Variants in PIN4 observed in about 807,000 individuals in gnomAD.
PIN4 encodes the protein peptidylprolyl cis/trans isomerase, NIMA-interacting 4.
PIN4 carries 3 observed loss-of-function variants against 8.3 expected under a neutral mutation model. The observed-to-expected ratio is 0.36, with a 90% CI of 0.16 to 0.93. The LOEUF (loss-of-function observed/expected upper bound fraction) is 0.93. PIN4 is among the 40% of genes least tolerant of loss of function. The probability of loss-of-function intolerance (pLI) is 0.44; values close to 1 mark genes in which losing one functional copy is unlikely to be tolerated. For synonymous variants in PIN4, 18 were observed against 32.5 expected, an observed-to-expected ratio of 0.55 and a Z score of 1.52; for missense variants, 75 against 100.6, an observed-to-expected ratio of 0.75 and a Z score of 1.09.
Position 72,197,458 on chromosome X carries a change from G to T in PIN4, c.328G>T (p.Val110Leu). ...ALPVSGMDKP[V>L]FTDPPVKTKF... ...GCCTGTAAGTGGGATGGATAAGCCT[G>T]TGTTTACAGACCCACCGGTTAAGAC... Residue 110 changes from valine to leucine, a missense_variant, in exon 4 of 4, where the codon GTG becomes TTG. Val to Leu is a conservative substitution (Grantham distance 32, BLOSUM62 1). Coordinates refer to ENST00000373669, the MANE Select transcript of PIN4 (RefSeq NM_006223.4). 8.3e-7 allele frequency: 1 copy of T among 1,208,146 alleles called. No individual in the cohort carries two copies. Among genetic ancestry groups the T allele is most frequent in the Non-Finnish European group, 1.1e-6 (1 of 892,270 alleles).
chrX:72,214,689 A>AG (rs2042877792), intron 3 of PIN4, among the ~76,000 whole-genome samples: 1 of 100,712 alleles, frequency 9.9e-6, no homozygotes, highest in African/African-American at 3.7e-5. Flanking sequence ...AAAAAAAAAA[A>AG]CAAAACAAAA....
At chrX:72,222,981 T>C (rs1461467872) in intron 3 of PIN4, among the ~76,000 whole-genome samples, 1 of 108,704 alleles carries the variant, frequency 9.2e-6, no homozygotes, top group Admixed American at 9.9e-5. Context: ...AAGGGCAAAC[T>C]TTTCTCCACT....
intron 1 of PIN4, among the ~76,000 whole-genome samples, chrX:72,183,477 G>C (rs1057171382): frequency 8.9e-5 from 10 of 111,836 alleles, no homozygotes; most frequent in African/African-American, 3.3e-4. Flanking sequence ...CAGACAGATA[G>C]AGGGAGTGCA....
At chrX:72,248,312 A>G (rs2043075006) in intron 3 of PIN4, among the ~76,000 whole-genome samples, 1 of 49,824 alleles carries the variant, frequency 2.0e-5, no homozygotes, top group African/African-American at 1.2e-4. Flanking sequence ...AAAAAAAAAA[A>G]AAAAAAAAAA....
Position 72,198,202 on chromosome X carries a change from A to G in PIN4, c.*676A>G. 2 of 750,583 alleles carry G rather than the reference A, an allele frequency of 2.7e-6. No homozygotes were observed. The highest frequency in any genetic ancestry group is 3.1e-6 in the Non-Finnish European group (2 of 635,634). 61.9% of individuals were successfully genotyped at this position (750,583 alleles called of 1,213,427 possible). ...CATCTTCAGTGTATGGGTTACATTA[A>G]GACTGTCCTTTCCAGGGCCAATGTT... On this transcript the variant is annotated 3_prime_UTR_variant, in exon 4 of 4. Transcript: ENST00000373669.
chrX:72,232,771 T>C (rs1373331598), intron 3 of PIN4, among the ~76,000 whole-genome samples: 1 of 111,528 alleles, frequency 9.0e-6, no homozygotes, highest in African/African-American at 3.3e-5. Context: ...GATCGCGTCA[T>C]TGTACTCCAG....
intron 3 of PIN4, among the ~76,000 whole-genome samples, chrX:72,258,944 C>A (rs952102909): frequency 1.2e-5 from 1 of 85,784 alleles, no homozygotes; most frequent in South Asian, 7.3e-4. Flanking sequence ...TATAAGTTCC[C>A]GCCAGAAAAT....
At chrX:72,232,225 G>A (rs1386464717) in intron 3 of PIN4, among the ~76,000 whole-genome samples, 3 of 101,001 alleles carry the variant, frequency 3.0e-5, no homozygotes, top group Non-Finnish European at 6.0e-5. Context: ...GCACAGAGAT[G>A]AGATTTAAAG....
intron 1 of PIN4, among the ~76,000 whole-genome samples, chrX:72,185,151 A>AAAAAAAAAAAC (rs1156315040): frequency 2.9e-5 from 3 of 102,664 alleles, no homozygotes; most frequent in East Asian, 6.0e-4. Context: ...CCGTCTCAAA[A>AAAAAAAAAAAC]AAAAAAAAAA....
intron 3 of PIN4, among the ~76,000 whole-genome samples, chrX:72,212,889 G>A (rs1253743491): frequency 9.0e-6 from 1 of 111,612 alleles, no homozygotes; most frequent in Non-Finnish European, 1.9e-5. Flanking sequence ...GTTGCATTGA[G>A]CTATGATCGT....
At chrX:72,181,702 G>C, upstream of PIN4, 1 of 985,746 alleles carries the variant, frequency 1.0e-6, no homozygotes, top group Non-Finnish European at 1.5e-6. Context: ...TCAGGCATTT[G>C]TTTAGGACAT....
At chrX:72,263,024 A>C in exon 4 of PIN4, 1 of 320,150 alleles carries the variant, frequency 3.1e-6, no homozygotes. Context: ...GATGTACCTC[A>C]TTAATTTGTT....
chrX:72,248,314 A>G (rs1470290822), intron 3 of PIN4, among the ~76,000 whole-genome samples: 2 of 52,788 alleles, frequency 3.8e-5, no homozygotes, highest in Admixed American at 2.1e-4. Flanking sequence ...AAAAAAAAAA[A>G]AAAAAAAAAA....
At chrX:72,221,309 G>A (rs1480457465) in intron 3 of PIN4, among the ~76,000 whole-genome samples, 2 of 111,827 alleles carry the variant, frequency 1.8e-5, no homozygotes, top group Non-Finnish European at 3.8e-5. Flanking sequence ...CTTTCTCACG[G>A]TACCAGGAAA....
At chrX:72,210,310 G>A (rs184108328) in intron 3 of PIN4, among the ~76,000 whole-genome samples, 6 of 110,943 alleles carry the variant, frequency 5.4e-5, no homozygotes, top group African/African-American at 2.0e-4. Flanking sequence ...TCAGGGAAAT[G>A]CAAACCAAAA....
At chrX:72,254,308 TATC>T (rs763382523) in intron 3 of PIN4, among the ~76,000 whole-genome samples, 5 of 111,914 alleles carry the variant, frequency 4.5e-5, no homozygotes, top group African/African-American at 1.6e-4. Flanking sequence ...GGCTCCTTCT[TATC>T]ATTCAGAAAT....
chrX:72,213,931 C>T (rs34245782), intron 3 of PIN4, among the ~76,000 whole-genome samples: 5 of 112,314 alleles, frequency 4.5e-5, no homozygotes, highest in South Asian at 7.4e-4. Context: ...AACAGTTTCC[C>T]TATACTGATC....
rs746980694 is a variant in PIN4, at chrX:72,205,785, A to G, written c.312+8881A>G. The G allele has an allele frequency of 4.7e-5, 57 of 1,210,393 alleles. No individual in the cohort carries two copies. The South Asian group carries it at 9.1e-4, about 19-fold the overall frequency. ...ACTCCCAACTGAGACATGTTTTGCT[A>G]TGCACAAACCCTGCTCTGGAATTAG... On this transcript the variant is annotated intron_variant, in intron 3 of 3. Transcript: ENST00000423432.
At position 72,208,410 on chromosome X, in the gene PIN4, T is replaced by C. The variant is rs901022791; in HGVS notation, c.312+11506T>C. 5.8e-6 allele frequency: 7 copies of C among 1,211,845 alleles called. No homozygotes were observed. Among genetic ancestry groups the C allele is most frequent in the Non-Finnish European group, 7.8e-6 (7 of 895,519 alleles). ...TCCCTAATCCCATATCATCAGCCAA[T>C]ATACCACCTTTTCTTCCATCCCTAT... On this transcript the variant is annotated intron_variant, in intron 3 of 3. Coordinates refer to the PIN4 transcript ENST00000423432.
Sources: allele counts gnomAD v4.1 joint callset (sites outside exome capture counted in the v4.1 genomes callset), GRCh38; gene constraint gnomAD v4.1.1; transcripts MANE v1.5; gene names NCBI Gene and HGNC (gene_info 2026-07-23, HGNC 2026-07-21).